Variants in CAPS2 observed in about 807,000 individuals in gnomAD.
CAPS2 encodes the protein calcyphosine 2, also known as calcyphosin-2.
CAPS2 carries 98 observed loss-of-function variants against 86.5 expected under a neutral mutation model. The ratio of observed to expected loss-of-function variants is 1.13; its 90% CI spans 0.96 to 1.34. CAPS2 has a LOEUF of 1.34. Among genes scored for constraint, CAPS2 ranks in the 40% most tolerant of loss-of-function variants. CAPS2 has a pLI of 0.00. For missense variants in CAPS2, 729 were observed against 686.8 expected, an observed-to-expected ratio of 1.06 and a Z score of -0.69; for synonymous variants, 210 against 225.1, an observed-to-expected ratio of 0.93 and a Z score of 0.60.
At position 75,323,231 on chromosome 12, in the gene CAPS2, C is replaced by A. The variant is rs11835996; in HGVS notation, c.132-9G>T. 56,588 of 1,539,846 alleles carry A rather than the reference C, an allele frequency of 0.037. 1,307 individuals are homozygous for A. Among genetic ancestry groups the A allele is most frequent in the African/African-American group, 0.088 (6,427 of 72,712 alleles). On this transcript the variant is annotated splice_polypyrimidine_tract_variant and intron_variant, in intron 2 of 16. Transcript: ENST00000393284. ...AATCAAGTCGTGGGACCCTGAAAGA[C>A]ATAATCTATGTATCCCGTAACTTTT...
chr12:75,288,194 C>T (rs536029469), intron 14 of CAPS2, among the ~76,000 whole-genome samples: 1 of 152,124 alleles, frequency 6.6e-6, no homozygotes, highest in South Asian at 2.1e-4. Flanking sequence ...TTTTAATCTA[C>T]AAAACGAAGA....
intron 5 of CAPS2, among the ~76,000 whole-genome samples, chr12:75,316,690 A>C (rs978096219): frequency 2.0e-5 from 3 of 152,178 alleles, no homozygotes; most frequent in Admixed American, 2.0e-4. Flanking sequence ...AGAAACAAAA[A>C]GGATTAAGAG....
intron 12 of CAPS2, 83 bp downstream of exon 12, chr12:75,293,166 C>T: frequency 2.4e-6 from 2 of 843,424 alleles, no homozygotes; most frequent in South Asian, 1.5e-5. Context: ...TTATAAATAC[C>T]TTATAGTAGA....
intron 1 of CAPS2, among the ~76,000 whole-genome samples, chr12:75,336,428 CAG>C (rs551937281): frequency 5.9e-5 from 9 of 151,514 alleles, no homozygotes; most frequent in Non-Finnish European, 1.3e-4. Flanking sequence ...GCTTTTGTAA[CAG>C]AAACATATCA....
At chr12:75,316,720 T>C (rs987449510) in intron 5 of CAPS2, among the ~76,000 whole-genome samples, 4 of 152,152 alleles carry the variant, frequency 2.6e-5, no homozygotes, top group Admixed American at 2.6e-4. Flanking sequence ...TCCAACACTT[T>C]ATAAAAACTA....
downstream of CAPS2, chr12:75,276,105 C>G: frequency 8.2e-7 from 1 of 1,212,306 alleles, no homozygotes; most frequent in Non-Finnish European, 1.1e-6. Context: ...TGATCAGAAA[C>G]GAATACATCC....
downstream of CAPS2, chr12:75,276,033 C>G (rs1289640232): frequency 5.4e-6 from 3 of 556,854 alleles, no homozygotes; most frequent in Non-Finnish European, 8.7e-6. Context: ...CAGTTTACCT[C>G]AGAAGTTTAT....
chr12:75,294,883 G>C (rs924286573), intron 11 of CAPS2, among the ~76,000 whole-genome samples: 1 of 151,940 alleles, frequency 6.6e-6, no homozygotes, highest in Admixed American at 6.6e-5. Flanking sequence ...ATAAGCATAG[G>C]AGTCATACCA....
At chr12:75,362,891 C>T (rs2043702707) in intron 1 of CAPS2, among the ~76,000 whole-genome samples, 1 of 152,068 alleles carries the variant, frequency 6.6e-6, no homozygotes, top group Non-Finnish European at 1.5e-5. Context: ...ATAGAATATT[C>T]AAGAATAGAA....
At chr12:75,382,639 C>CAA (rs59130420) in intron 1 of CAPS2, among the ~76,000 whole-genome samples, 46,957 of 142,838 alleles carry the variant, frequency 0.33, 8,107 homozygotes, top group East Asian at 0.47. Flanking sequence ...GACTCCATCT[C>CAA]AAAAAAAAAA....
chr12:75,305,992 A>C (rs1461114946), intron 7 of CAPS2: 15 of 1,437,730 alleles, frequency 1.0e-5, no homozygotes, highest in Non-Finnish European at 1.4e-5. Flanking sequence ...GGGTCCTGAC[A>C]GGCCTCCTGC....
At chr12:75,349,444 G>A (rs1198054336) in intron 1 of CAPS2, among the ~76,000 whole-genome samples, 1 of 152,020 alleles carries the variant, frequency 6.6e-6, no homozygotes, top group Non-Finnish European at 1.5e-5. Flanking sequence ...ACAATGTCTG[G>A]CATCTAATGA....
chr12:75,276,132 T>C (rs765705987), downstream of CAPS2: 166 of 1,443,644 alleles, frequency 1.1e-4, 1 homozygote, highest in Non-Finnish European at 1.4e-4. Flanking sequence ...ACCCTGCAGA[T>C]TGTCTTTGCT....
chr12:75,343,549 A>G (rs2042255085), intron 1 of CAPS2: 6 of 645,238 alleles, frequency 9.3e-6, no homozygotes, highest in Non-Finnish European at 1.5e-5. Flanking sequence ...AGAAATCACT[A>G]ACTATGCACA....
At chr12:75,355,341 C>T (rs369243865) in intron 1 of CAPS2, among the ~76,000 whole-genome samples, 1 of 152,154 alleles carries the variant, frequency 6.6e-6, no homozygotes. Context: ...CAAAATAAGA[C>T]ATTTATGCAG....
At chr12:75,291,593 A>AAAAG (rs1372766744) in intron 13 of CAPS2, 151 bp downstream of exon 13, 4 of 107,628 alleles carry the variant, frequency 3.7e-5, no homozygotes, top group African/African-American at 1.3e-4. Context: ...ATATATATAT[A>AAAAG]TATATATATA....
intron 13 of CAPS2, among the ~76,000 whole-genome samples, chr12:75,290,864 C>T (rs2035712003): frequency 6.7e-6 from 1 of 149,662 alleles, no homozygotes; most frequent in African/African-American, 2.5e-5. Context: ...TCTGAGGCTG[C>T]AGTGAGCTGT....
chr12:75,343,846 C>T, intron 1 of CAPS2: 7 of 1,612,862 alleles, frequency 4.3e-6, no homozygotes, highest in African/African-American at 2.7e-5. Flanking sequence ...GTCATTCACA[C>T]CAAGACATGC....
At chr12:75,276,800 T>C, downstream of CAPS2, 1 of 898,476 alleles carries the variant, frequency 1.1e-6, no homozygotes, top group Non-Finnish European at 1.3e-6. Flanking sequence ...ATCTATAAAA[T>C]ATACATAACT....
Sources: gnomAD v4.1 joint callset for allele counts (sites outside exome capture counted in the v4.1 genomes callset) on GRCh38, gnomAD v4.1.1 for gene constraint, MANE v1.5 for transcripts, NCBI Gene and HGNC (gene_info 2026-07-23, HGNC 2026-07-21) for gene names.